Variants in NRG1 observed in about 807,000 individuals in gnomAD.
NRG1 encodes pro-neuregulin-1, membrane-bound isoform.
In NRG1, 18 loss-of-function variants were observed where a neutral mutation model predicts 63.8. That is an observed-to-expected ratio of 0.28 (90% CI 0.19 to 0.42). The LOEUF (loss-of-function observed/expected upper bound fraction) is 0.42. Among genes scored for constraint, NRG1 ranks in the 10% least tolerant of loss-of-function variants. NRG1 has a pLI of 1.00. For missense variants in NRG1, 762 were observed against 814.7 expected, an observed-to-expected ratio of 0.94 and a Z score of 0.79; for synonymous variants, 302 against 301.3, an observed-to-expected ratio of 1.00 and a Z score of -0.02.
rs188138690 is a variant in NRG1, at chr8:31,917,903, C to T, written c.37+278472C>T. Among the ~76,000 whole-genome samples the T allele has an allele frequency of 7.4e-3, 1,129 of 152,220 alleles. 9 individuals are homozygous for T. The highest frequency in any genetic ancestry group is 0.019 in the African/African-American group (771 of 41,528). On this transcript the variant is annotated intron_variant, in intron 1 of 10. Coordinates refer to the NRG1 transcript ENST00000519301. ...TCATTGAGCAGTGGTTTGTAGTTCT[C>T]CTTGAAGAGGTCCTTCACATCCCTT...
At chr8:31,898,034 A>AAG (rs1554570499) in intron 1 of NRG1, among the ~76,000 whole-genome samples, 19 of 150,758 alleles carry the variant, frequency 1.3e-4, no homozygotes, top group East Asian at 3.9e-4. Context: ...AAAAAAAAAA[A>AAG]AGAGAGAGAA....
At chr8:31,799,125 G>A (rs1274491573) in intron 1 of NRG1, among the ~76,000 whole-genome samples, 1 of 152,072 alleles carries the variant, frequency 6.6e-6, no homozygotes, top group African/African-American at 2.4e-5. Flanking sequence ...ATGTGTGGGT[G>A]TACTTTAAAT....
chr8:32,276,335 T>C (rs963078356), intron 1 of NRG1, among the ~76,000 whole-genome samples: 1 of 152,224 alleles, frequency 6.6e-6, no homozygotes, highest in African/African-American at 2.4e-5. Flanking sequence ...GTTAACATGA[T>C]GTTCTTCAAG....
At chr8:32,150,794 G>A (rs1172783089) in intron 1 of NRG1, among the ~76,000 whole-genome samples, 1 of 152,152 alleles carries the variant, frequency 6.6e-6, no homozygotes, top group East Asian at 1.9e-4. Flanking sequence ...AGAGAAAAAT[G>A]TGTGTAAAGA....
chr8:31,676,176 A>T (rs1377501220), intron 1 of NRG1, among the ~76,000 whole-genome samples: 2 of 152,006 alleles, frequency 1.3e-5, no homozygotes, highest in African/African-American at 4.8e-5. Flanking sequence ...GGTCTTAGAG[A>T]GTCGGGAGAT....
intron 1 of NRG1, among the ~76,000 whole-genome samples, chr8:32,363,128 A>G (rs1807453163): frequency 6.6e-6 from 1 of 152,162 alleles, no homozygotes; most frequent in Admixed American, 6.5e-5. Flanking sequence ...TGCATCTTCA[A>G]ACTTTTTCCA....
rs538360957 is a variant in NRG1 at position 31,655,451 on chromosome 8, G to A, written c.37+16020G>A. The stretch of plus-strand genomic sequence containing the variant: ...GCATTTCTGTTAGGGTAGGGAGGAG[G>A]GGAAAGGAGGAGAGGAAAGATTTGC... On this transcript the variant is annotated intron_variant, in intron 1 of 10. Coordinates refer to the NRG1 transcript ENST00000519301. Among the ~76,000 whole-genome samples, 15 of 152,286 alleles carry A rather than the reference G, an allele frequency of 9.8e-5. No homozygotes were observed. The South Asian group carries it at 3.1e-3, about 32-fold the overall frequency.
chr8:31,996,879 G>C (rs959867441), intron 1 of NRG1, among the ~76,000 whole-genome samples: 1 of 151,898 alleles, frequency 6.6e-6, no homozygotes, highest in African/African-American at 2.4e-5. Flanking sequence ...CCATATTTTG[G>C]CTTGGACAAG....
chr8:32,390,602 T>TAAAAAAAAAA, intron 1 of NRG1, among the ~76,000 whole-genome samples: 1 of 130,668 alleles, frequency 7.7e-6, no homozygotes, highest in Non-Finnish European at 1.6e-5. Context: ...GACCCTGTCT[T>TAAAAAAAAAA]AAAAAAAAAA....
In NRG1 at chr8:31,993,919, A is replaced by G. The variant is rs116728408; in HGVS notation, c.37+354488A>G. Among the ~76,000 whole-genome samples, 807 of 152,188 alleles carry G rather than the reference A, an allele frequency of 5.3e-3. 9 individuals carry two copies. Among genetic ancestry groups the G allele is most frequent in the African/African-American group, 0.018 (745 of 41,566 alleles). On this transcript the variant is annotated intron_variant, in intron 1 of 10. Coordinates refer to the NRG1 transcript ENST00000519301. ...CTGAGTAATTGGCTCCATTAAAACA[A>G]GAGAGAATTGTGAGATAATCTGGAT... is the stretch of plus-strand genomic sequence containing the variant.
chr8:31,789,314 ATTG>A (rs759558963), intron 1 of NRG1, among the ~76,000 whole-genome samples: 45 of 152,288 alleles, frequency 3.0e-4, no homozygotes, highest in Non-Finnish European at 4.4e-4. Context: ...GGAGAACAGA[ATTG>A]TTGTTTTCTT....
chr8:32,771,954 C>A (rs1157415514), downstream of NRG1, among the ~76,000 whole-genome samples: 1 of 144,200 alleles, frequency 6.9e-6, no homozygotes, highest in East Asian at 2.0e-4. Context: ...ACCTGGGAGG[C>A]AGAGGTTGCA....
intron 1 of NRG1, among the ~76,000 whole-genome samples, chr8:32,100,310 G>T (rs1201450595): frequency 2.6e-5 from 4 of 152,130 alleles, no homozygotes. Flanking sequence ...CATTTATATT[G>T]CACTTTACAA....
At chr8:32,582,447 A>G (rs1346914123) in intron 1 of NRG1, among the ~76,000 whole-genome samples, 1 of 152,168 alleles carries the variant, frequency 6.6e-6, no homozygotes, top group Non-Finnish European at 1.5e-5. Flanking sequence ...AGTTCCACCC[A>G]TGAATTTAAT....
chr8:31,678,697 T>C (rs916137280), intron 1 of NRG1, among the ~76,000 whole-genome samples: 2 of 149,058 alleles, frequency 1.3e-5, no homozygotes, highest in Non-Finnish European at 3.0e-5. Flanking sequence ...TATTTAATGT[T>C]ATAGCATATT....
chr8:32,158,598 G>C (rs922354638), intron 1 of NRG1, among the ~76,000 whole-genome samples: 8 of 151,080 alleles, frequency 5.3e-5, no homozygotes, highest in Admixed American at 2.6e-4. Flanking sequence ...ATTTGGCCAA[G>C]AGATAAGAAA....
At chr8:32,743,977 T>A (rs1258804515) in intron 7 of NRG1, among the ~76,000 whole-genome samples, 1 of 152,080 alleles carries the variant, frequency 6.6e-6, no homozygotes, top group East Asian at 1.9e-4. Flanking sequence ...TTCCATTAAA[T>A]CTTTATTTAC....
At chr8:32,771,715 A>AATAT (rs1193253997), downstream of NRG1, among the ~76,000 whole-genome samples, 63 of 111,846 alleles carry the variant, frequency 5.6e-4, no homozygotes, top group African/African-American at 2.0e-3. Context: ...TTAAAAAAAA[A>AATAT]ATATATATAT....
At chr8:32,353,631 C>G (rs1805940024) in intron 1 of NRG1, among the ~76,000 whole-genome samples, 4 of 152,124 alleles carry the variant, frequency 2.6e-5, no homozygotes, top group Admixed American at 2.6e-4. Flanking sequence ...TTCTAAATAC[C>G]TATCAGAATG....
Sources: allele counts gnomAD v4.1 joint callset (sites outside exome capture counted in the v4.1 genomes callset), GRCh38; gene constraint gnomAD v4.1.1; transcripts MANE v1.5; gene names NCBI Gene and HGNC (gene_info 2026-07-23, HGNC 2026-07-21).